KCNQ1: variants seen among roughly 807,000 people sequenced by gnomAD.
The protein encoded by KCNQ1 is potassium voltage-gated channel subfamily KQT member 1.
Under a neutral mutation model 72.4 loss-of-function variants are expected in KCNQ1, and 49 were observed. The observed-to-expected ratio is 0.68, with a 90% CI of 0.54 to 0.86. The LOEUF (loss-of-function observed/expected upper bound fraction) is 0.86. Among genes scored for constraint, KCNQ1 ranks in the 40% least tolerant of loss-of-function variants. The pLI is 0.00. For missense variants in KCNQ1, 790 were observed against 945.1 expected (o/e 0.84, Z 2.15); for synonymous variants, 450 against 412.6 (o/e 1.09, Z -1.10).
chr11:2,680,539 A>G (rs1205677194), intron 11 of KCNQ1: 2 of 398,434 alleles, frequency 5.0e-6, no homozygotes, highest in Non-Finnish European at 8.8e-6. Context: ...TTTCTCATGC[A>G]GTTCTAAGAA....
At position 2,579,557 on chromosome 11, in the gene KCNQ1, A is replaced by G. The variant is rs1848469152; in HGVS notation, c.922-3878A>G. Among the ~76,000 whole-genome samples, 1 of 152,202 alleles carries G rather than the reference A, an allele frequency of 6.6e-6. No individual in the cohort carries two copies. Among genetic ancestry groups the G allele is most frequent in the Non-Finnish European group, 1.5e-5 (1 of 68,030 alleles). On this transcript the variant is annotated intron_variant, in intron 6 of 15. Coordinates refer to ENST00000155840, the MANE Select transcript of KCNQ1 (RefSeq NM_000218.3). The surrounding 1 kb of genome is among the most constrained non-coding windows in gnomAD (Gnocchi z 6.0). ...GAGCTGCCTGTGTCTGAATGCAGGAAAAACAAACAGGTCTGCAGGGAGGGG... is the reference window on the plus strand; with the variant it reads ...GAGCTGCCTGTGTCTGAATGCAGGAGAAACAAACAGGTCTGCAGGGAGGGG...
chr11:2,698,035 A>G lies in KCNQ1; in HGVS notation c.1514+35954A>G. The stretch of plus-strand genomic sequence containing the variant: ...CAGGTGCAGAAATGGATCATTTGAG[A>G]CACCATAGAAATCTGGTTAATCCTG... On this transcript the variant is annotated intron_variant, in intron 11 of 15. Coordinates refer to ENST00000155840, the MANE Select transcript of KCNQ1 (RefSeq NM_000218.3). This position sits in a 1 kb window ranked among gnomAD's most constrained non-coding sequence, Gnocchi z 5.1. The G allele has an allele frequency of 2.5e-6, 1 of 398,648 alleles. No individual in the cohort carries two copies. Among genetic ancestry groups the G allele is most frequent in the Non-Finnish European group, 4.4e-6 (1 of 226,064 alleles). The allele number at this position is 398,648 out of a possible 1,614,324, so 24.7% of individuals were successfully genotyped here. A position where few individuals can be genotyped will look rare whatever the true frequency, so the allele number is the denominator to read the frequency against.
In KCNQ1 at chr11:2,592,981, G is replaced by T. The variant is rs904208976; in HGVS notation, c.1393+4127G>T. ...GGATCCCAGGAGTCCTGAAGGAGCCGCCTCCATCCTGAGCTGCCTACCCTG... is the reference window on the plus strand; with the variant it reads ...GGATCCCAGGAGTCCTGAAGGAGCCTCCTCCATCCTGAGCTGCCTACCCTG... On this transcript the variant is annotated intron_variant, in intron 10 of 15. Coordinates refer to ENST00000155840, the MANE Select transcript of KCNQ1 (RefSeq NM_000218.3). The surrounding 1 kb of genome is among the most constrained non-coding windows in gnomAD (Gnocchi z 5.2). Among the ~76,000 whole-genome samples, 1 of 152,158 alleles carries T rather than the reference G, an allele frequency of 6.6e-6. No individual in the cohort carries two copies.
At chr11:2,649,564 A>T in intron 10 of KCNQ1, 1 of 398,506 alleles carries the variant, frequency 2.5e-6, no homozygotes, top group Non-Finnish European at 4.4e-6. Context: ...TTTGCTGGGT[A>T]TAGTATTTGT....
In KCNQ1 at chr11:2,516,614, C is replaced by G. The variant is rs1401859807; in HGVS notation, c.387-11314C>G. On this transcript the variant is annotated intron_variant, in intron 1 of 15. Coordinates refer to ENST00000155840, the MANE Select transcript of KCNQ1 (RefSeq NM_000218.3). This position sits in a 1 kb window ranked among gnomAD's most constrained non-coding sequence, Gnocchi z 7.0. ...GTCCCCTGAAACCAACACACAGGTG[C>G]AGACACCCACATGCCATCCTGCCAG... Among the ~76,000 whole-genome samples, 1 of 152,150 alleles carries G rather than the reference C, an allele frequency of 6.6e-6. No individual in the cohort carries two copies. Among genetic ancestry groups the G allele is most frequent in the African/African-American group, 2.4e-5 (1 of 41,444 alleles).
intron 1 of KCNQ1, chr11:2,521,713 C>T: frequency 2.9e-6 from 1 of 346,226 alleles, no homozygotes; most frequent in South Asian, 2.2e-5. Flanking sequence ...ACAAAACGCC[C>T]CCCATGGGCT....
In KCNQ1 at chr11:2,645,582, C is replaced by T. The variant is rs1338008829; in HGVS notation, c.1394-16379C>T. On this transcript the variant is annotated intron_variant, in intron 10 of 15. Coordinates refer to ENST00000155840, the MANE Select transcript of KCNQ1 (RefSeq NM_000218.3). The surrounding 1 kb of genome is among the most constrained non-coding windows in gnomAD (Gnocchi z 5.8). Reference sequence around the variant, plus strand: ...CAGCAGCTATAAACAGGCAGTTGGGCAATGCATGCTTCGGCCCCAGGTGGT... The same window carrying T: ...CAGCAGCTATAAACAGGCAGTTGGGTAATGCATGCTTCGGCCCCAGGTGGT... The T allele has an allele frequency of 7.5e-6, 3 of 398,548 alleles. No homozygotes were observed. The highest frequency in any genetic ancestry group is 4.4e-5 in the Admixed American group (1 of 22,714). The allele number at this position is 398,548 out of a possible 1,614,324, so 24.7% of individuals were successfully genotyped here. A position where few individuals can be genotyped will look rare whatever the true frequency, so the allele number is the denominator to read the frequency against.
intron 12 of KCNQ1, 111 bp from the exon 13 acceptor site, chr11:2,775,849 C>A: frequency 2.0e-6 from 2 of 1,017,400 alleles, no homozygotes; most frequent in East Asian, 2.6e-5. Flanking sequence ...CATAGGCGAG[C>A]TCCCAGGTCT....
intron 15 of KCNQ1, among the ~76,000 whole-genome samples, chr11:2,831,579 G>A (rs986510325): frequency 3.3e-5 from 5 of 151,908 alleles, no homozygotes; most frequent in African/African-American, 9.7e-5. Context: ...TCCTCTTGAT[G>A]TCCTGGATGG....
intron 15 of KCNQ1, among the ~76,000 whole-genome samples, chr11:2,798,393 G>A (rs1412006184): frequency 6.6e-6 from 1 of 152,182 alleles, no homozygotes; most frequent in Non-Finnish European, 1.5e-5. Flanking sequence ...GGTCATCTGA[G>A]CCGTTCCCAC....
intron 2 of KCNQ1, among the ~76,000 whole-genome samples, chr11:2,548,150 C>A (rs1847926501): frequency 6.6e-6 from 1 of 152,150 alleles, no homozygotes; most frequent in Non-Finnish European, 1.5e-5. Flanking sequence ...GATAAGGTGG[C>A]GGCAGGCAGG....
At position 2,562,596 on chromosome 11, in the gene KCNQ1, C is replaced by G. The variant is rs1217641133; in HGVS notation, c.478-8032C>G. Among the ~76,000 whole-genome samples the G allele has an allele frequency of 6.6e-6, 1 of 152,136 alleles. No individual in the cohort carries two copies. The highest frequency in any genetic ancestry group is 1.5e-5 in the Non-Finnish European group (1 of 68,008). On this transcript the variant is annotated intron_variant, in intron 2 of 15. Coordinates refer to ENST00000155840, the MANE Select transcript of KCNQ1 (RefSeq NM_000218.3). The surrounding 1 kb of genome is among the most constrained non-coding windows in gnomAD (Gnocchi z 7.5). ...GGGTGAGACCCTAATCCCGGGTCCC[C>G]ACAGCACCCTCAGCCTAACCCCTGT...
intron 11 of KCNQ1, among the ~76,000 whole-genome samples, chr11:2,742,525 G>A (rs1423492975): frequency 2.0e-5 from 3 of 152,206 alleles, no homozygotes. Context: ...GGGGGCCCTG[G>A]GCTCCCCCCG....
rs1189426716 is a variant in KCNQ1 at position 2,766,459 on chromosome 11, G to A, written c.1515-2385G>A. Among the ~76,000 whole-genome samples the A allele has an allele frequency of 6.6e-6, 1 of 152,224 alleles. No homozygotes were observed. Among genetic ancestry groups the A allele is most frequent in the Non-Finnish European group, 1.5e-5 (1 of 68,044 alleles). On this transcript the variant is annotated intron_variant, in intron 11 of 15. Coordinates refer to ENST00000155840, the MANE Select transcript of KCNQ1 (RefSeq NM_000218.3). This position sits in a 1 kb window ranked among gnomAD's most constrained non-coding sequence, Gnocchi z 4.4. ...GCTCAGACTTGTCCATGAGCCAACA[G>A]AATTCTAAGAGGGTAAGAGTAGATG...
chr11:2,572,656 G>A (rs1055418114), intron 5 of KCNQ1, among the ~76,000 whole-genome samples, 190 bp from the exon 6 acceptor site: 5 of 152,226 alleles, frequency 3.3e-5, no homozygotes, highest in African/African-American at 1.2e-4. Flanking sequence ...CATTCTGGGG[G>A]TAACCCCCAC....
At chr11:2,510,964 C>T (rs1202354478) in intron 1 of KCNQ1, among the ~76,000 whole-genome samples, 1 of 152,264 alleles carries the variant, frequency 6.6e-6, no homozygotes, top group Non-Finnish European at 1.5e-5. Flanking sequence ...TCAGATCCCA[C>T]ACCAGCTCCT....
chr11:2,778,900 G>C (rs947851890), intron 15 of KCNQ1, among the ~76,000 whole-genome samples: 1 of 151,742 alleles, frequency 6.6e-6, no homozygotes, highest in East Asian at 2.0e-4. Context: ...CCCGGCCCAG[G>C]CTCCTGCTCC....
Position 2,810,540 on chromosome 11 carries a change from C to T in KCNQ1, c.1794+32503C>T, listed in dbSNP as rs147997810. On this transcript the variant is annotated intron_variant, in intron 15 of 15. Transcript: ENST00000155840. ...TGTTTTTAATATCCCAGAGCACACG[C>T]TTGCTCTCTGACCGTGGTCATGGCA... Among the ~76,000 whole-genome samples the T allele has an allele frequency of 3.1e-3, 470 of 152,352 alleles. 2 individuals carry two copies. Among genetic ancestry groups the T allele is most frequent in the African/African-American group, 0.01 (430 of 41,580 alleles).
At chr11:2,525,745 G>A (rs1847491317) in intron 1 of KCNQ1, among the ~76,000 whole-genome samples, 1 of 152,252 alleles carries the variant, frequency 6.6e-6, no homozygotes, top group African/African-American at 2.4e-5. Context: ...GAATGTCCCA[G>A]TGGGGGAGTA....
Sources: allele counts gnomAD v4.1 joint callset (sites outside exome capture counted in the v4.1 genomes callset), GRCh38; gene constraint gnomAD v4.1.1; non-coding constraint Gnocchi (gnomAD v3.1); transcripts MANE v1.5; gene names NCBI Gene and HGNC (gene_info 2026-07-23, HGNC 2026-07-21).